Variants in GABRB1 observed in about 807,000 individuals in gnomAD.
GABRB1 encodes the protein gamma-aminobutyric acid type A receptor subunit beta1, also known as gamma-aminobutyric acid receptor subunit beta-1.
In GABRB1, 17 loss-of-function variants were observed where a neutral mutation model predicts 51.6. The observed-to-expected ratio is 0.33, with a 90% confidence interval of 0.23 to 0.49. The LOEUF (loss-of-function observed/expected upper bound fraction) is 0.49, where lower values mean the gene tolerates loss of function less well. GABRB1 is among the 20% of genes least tolerant of loss of function. The probability of loss-of-function intolerance (pLI) is 0.99; values close to 1 mark genes in which losing one functional copy is unlikely to be tolerated. For missense variants in GABRB1, 410 were observed against 600.6 expected (o/e 0.68, Z 3.32); for synonymous variants, 247 against 218.9 (o/e 1.13, Z -1.14).
At chr4:47,417,174 A>G (rs974528810) in intron 8 of GABRB1, among the ~76,000 whole-genome samples, 1 of 152,184 alleles carries the variant, frequency 6.6e-6, no homozygotes, top group Non-Finnish European at 1.5e-5. Context: ...CTTTACTTAC[A>G]GTAACTGTAA....
chr4:47,094,762 T>TAAAAAAAAAA (rs34400036), intron 3 of GABRB1, among the ~76,000 whole-genome samples: 1 of 122,288 alleles, frequency 8.2e-6, no homozygotes. Flanking sequence ...AACTTAAAGG[T>TAAAAAAAAAA]AAAAAAAAAA....
At chr4:47,120,964 G>C (rs1209051815) in intron 3 of GABRB1, among the ~76,000 whole-genome samples, 2 of 152,152 alleles carry the variant, frequency 1.3e-5, no homozygotes, top group Non-Finnish European at 2.9e-5. Flanking sequence ...TGCCCTGGCT[G>C]GTGTCTCACT....
chr4:47,132,811 G>C (rs1716484215), intron 3 of GABRB1, among the ~76,000 whole-genome samples: 1 of 152,168 alleles, frequency 6.6e-6, no homozygotes, highest in African/African-American at 2.4e-5. Flanking sequence ...AGAGTCTCCA[G>C]TGCAATCATG....
At chr4:47,334,583 G>A (rs1028200940) in intron 5 of GABRB1, among the ~76,000 whole-genome samples, 4 of 152,068 alleles carry the variant, frequency 2.6e-5, no homozygotes, top group African/African-American at 9.7e-5. Context: ...TATTTTCTAT[G>A]TAGAAAGGAC....
intron 5 of GABRB1, among the ~76,000 whole-genome samples, chr4:47,352,609 A>G (rs1168383296): frequency 6.6e-6 from 1 of 152,230 alleles, no homozygotes; most frequent in Non-Finnish European, 1.5e-5. Flanking sequence ...AGGCTGGTTC[A>G]ATATACGCAA....
chr4:47,328,531 T>C (rs912467373), intron 5 of GABRB1, among the ~76,000 whole-genome samples: 1 of 152,210 alleles, frequency 6.6e-6, no homozygotes, highest in Non-Finnish European at 1.5e-5. Context: ...TGTCCAACAA[T>C]GATAGACTGC....
intron 5 of GABRB1, among the ~76,000 whole-genome samples, chr4:47,339,856 C>A (rs899019877): frequency 6.7e-6 from 1 of 150,366 alleles, no homozygotes; most frequent in Non-Finnish European, 1.5e-5. Flanking sequence ...CACACACACA[C>A]CCCACTTTGG....
chr4:47,269,627 T>A (rs1401784639), intron 4 of GABRB1, among the ~76,000 whole-genome samples: 1 of 152,088 alleles, frequency 6.6e-6, no homozygotes, highest in African/African-American at 2.4e-5. Flanking sequence ...TCTCTTATAT[T>A]CTTTTTCTCT....
At chr4:47,258,222 C>G (rs1313319665) in intron 4 of GABRB1, among the ~76,000 whole-genome samples, 3 of 152,030 alleles carry the variant, frequency 2.0e-5, no homozygotes, top group Non-Finnish European at 2.9e-5. Context: ...ATAAAATCAT[C>G]AGAAAACAGA....
At chr4:47,310,212 T>C (rs1481654450) in intron 4 of GABRB1, among the ~76,000 whole-genome samples, 1 of 152,198 alleles carries the variant, frequency 6.6e-6, no homozygotes, top group East Asian at 1.9e-4. Context: ...ATGGCAAAGG[T>C]AATAGTTCTA....
chr4:47,121,458 T>C (rs574558547), intron 3 of GABRB1, among the ~76,000 whole-genome samples: 1 of 152,308 alleles, frequency 6.6e-6, no homozygotes, highest in South Asian at 2.1e-4. Context: ...TTTTGGTTTT[T>C]AGAAGGTGCT....
At chr4:47,023,409 G>A (rs1724982694) in intron 1 of GABRB1, among the ~76,000 whole-genome samples, 1 of 151,792 alleles carries the variant, frequency 6.6e-6, no homozygotes, top group South Asian at 2.1e-4. Flanking sequence ...TCTTTATAAA[G>A]TTTTATCTTT....
At chr4:47,247,339 G>A (rs1237802494) in intron 4 of GABRB1, among the ~76,000 whole-genome samples, 1 of 152,000 alleles carries the variant, frequency 6.6e-6, no homozygotes, top group Non-Finnish European at 1.5e-5. Context: ...TAAGTATTTG[G>A]GTTTATTTCT....
chr4:47,302,341 CAA>C (rs919663936), intron 4 of GABRB1, among the ~76,000 whole-genome samples: 2 of 151,858 alleles, frequency 1.3e-5, no homozygotes, highest in African/African-American at 2.4e-5. Context: ...GGAAATGACT[CAA>C]GAGAGGAATG....
intron 3 of GABRB1, among the ~76,000 whole-genome samples, chr4:47,112,627 C>T (rs1323044808): frequency 6.6e-6 from 1 of 152,130 alleles, no homozygotes; most frequent in African/African-American, 2.4e-5. Context: ...TGCATAGAGC[C>T]TGTCAGTTTA....
At chr4:47,057,791 C>A (rs922025895) in intron 3 of GABRB1, among the ~76,000 whole-genome samples, 5 of 152,098 alleles carry the variant, frequency 3.3e-5, no homozygotes, top group Admixed American at 6.6e-5. Flanking sequence ...ATGGCCTAAC[C>A]CAGCAAAATC....
intron 5 of GABRB1, 77 bp from the exon 6 acceptor site, chr4:47,403,241 T>A: frequency 6.5e-7 from 1 of 1,542,204 alleles, no homozygotes; most frequent in Non-Finnish European, 8.8e-7. Flanking sequence ...TGCTGGGAAT[T>A]TTTCCTCTAG....
chr4:47,240,286 G>A (rs962355354), intron 4 of GABRB1, among the ~76,000 whole-genome samples: 2 of 152,160 alleles, frequency 1.3e-5, no homozygotes, highest in Non-Finnish European at 2.9e-5. Flanking sequence ...GAGCTAATAC[G>A]TCAAAATCTT....
At chr4:47,148,881 G>C (rs1717296626) in intron 3 of GABRB1, among the ~76,000 whole-genome samples, 1 of 151,962 alleles carries the variant, frequency 6.6e-6, no homozygotes, top group Non-Finnish European at 1.5e-5. Flanking sequence ...CCATCCATAA[G>C]AAAGCAAGGC....
Sources: allele counts gnomAD v4.1 joint callset (sites outside exome capture counted in the v4.1 genomes callset), GRCh38; gene constraint gnomAD v4.1.1; transcripts MANE v1.5; gene names NCBI Gene and HGNC (gene_info 2026-07-23, HGNC 2026-07-21).